The following SMYD3 variants were observed in gnomAD, a reference collection of about 807,000 sequenced individuals.
SMYD3 encodes histone-lysine N-methyltransferase SMYD3.
Under a neutral mutation model 57.7 loss-of-function variants are expected in SMYD3, and 36 were observed. The observed-to-expected ratio is 0.62, with a 90% CI of 0.48 to 0.82. The LOEUF is 0.82. Among genes scored for constraint, SMYD3 ranks in the 40% least tolerant of loss-of-function variants. SMYD3 has a pLI of 0.00. For missense variants in SMYD3, 515 were observed against 538.8 expected, an observed-to-expected ratio of 0.96 and a Z score of 0.44; for synonymous variants, 211 against 195.0, an observed-to-expected ratio of 1.08 and a Z score of -0.68.
chr1:246,138,512 G>A (rs1302053925), intron 5 of SMYD3, among the ~76,000 whole-genome samples: 2 of 109,516 alleles, frequency 1.8e-5, no homozygotes, highest in African/African-American at 2.6e-5. Flanking sequence ...TGCAAGCTCC[G>A]CCTCCCAGGT....
At chr1:246,106,140 T>TCGG (rs1428341198) in intron 5 of SMYD3, among the ~76,000 whole-genome samples, 1 of 152,186 alleles carries the variant, frequency 6.6e-6, no homozygotes, top group Non-Finnish European at 1.5e-5. Context: ...GGAACCATGT[T>TCGG]AACCCATATC....
intron 8 of SMYD3, among the ~76,000 whole-genome samples, 169 bp downstream of exon 8, chr1:245,915,361 A>C (rs2055329390): frequency 6.6e-6 from 1 of 152,214 alleles, no homozygotes; most frequent in Non-Finnish European, 1.5e-5. Flanking sequence ...TGGGTGACAA[A>C]AGTTCCAGGA....
At chr1:246,278,191 T>C (rs1411001868) in intron 5 of SMYD3, among the ~76,000 whole-genome samples, 1 of 151,540 alleles carries the variant, frequency 6.6e-6, no homozygotes, top group African/African-American at 2.4e-5. Context: ...ACAAATCTCC[T>C]GGGTTACTCT....
chr1:245,850,122 A>G (rs2050887876), intron 10 of SMYD3, among the ~76,000 whole-genome samples: 1 of 152,182 alleles, frequency 6.6e-6, no homozygotes, highest in East Asian at 1.9e-4. Flanking sequence ...AGGGGCAGAA[A>G]TGAGAAATGC....
At chr1:246,490,346 G>A (rs954477993) in intron 1 of SMYD3, among the ~76,000 whole-genome samples, 2 of 152,130 alleles carry the variant, frequency 1.3e-5, no homozygotes, top group Non-Finnish European at 2.9e-5. Context: ...CTCAGAAAAT[G>A]TCTCAGATGT....
chr1:246,442,418 G>A (rs184196141), intron 1 of SMYD3, among the ~76,000 whole-genome samples: 27 of 152,048 alleles, frequency 1.8e-4, no homozygotes, highest in Non-Finnish European at 3.4e-4. Context: ...GCGTGGTGAC[G>A]CACACCTGTA....
At chr1:246,191,802 T>A (rs1270376358) in intron 5 of SMYD3, among the ~76,000 whole-genome samples, 1 of 152,206 alleles carries the variant, frequency 6.6e-6, no homozygotes, top group African/African-American at 2.4e-5. Context: ...GAATCAAATA[T>A]GATAACACAG....
intron 10 of SMYD3, among the ~76,000 whole-genome samples, chr1:245,805,471 A>C (rs1183960178): frequency 6.6e-6 from 1 of 152,242 alleles, no homozygotes; most frequent in Non-Finnish European, 1.5e-5. Flanking sequence ...CTATTTTCTG[A>C]GCTGGTTAAA....
At chr1:245,981,387 A>G (rs2058593789) in intron 5 of SMYD3, among the ~76,000 whole-genome samples, 1 of 152,226 alleles carries the variant, frequency 6.6e-6, no homozygotes, top group African/African-American at 2.4e-5. Flanking sequence ...GACAACCAGG[A>G]CATCTTCATT....
intron 5 of SMYD3, among the ~76,000 whole-genome samples, chr1:246,274,856 G>A (rs2064299011): frequency 6.6e-6 from 1 of 152,002 alleles, no homozygotes; most frequent in Admixed American, 6.6e-5. Flanking sequence ...CAAAAACATA[G>A]GCAACACTCT....
intron 11 of SMYD3, among the ~76,000 whole-genome samples, chr1:245,750,182 C>T (rs1305746510): frequency 1.3e-5 from 2 of 152,120 alleles, no homozygotes; most frequent in Admixed American, 6.6e-5. Context: ...CTTGTCAACT[C>T]TTATCTTCAA....
intron 1 of SMYD3, among the ~76,000 whole-genome samples, chr1:246,462,539 G>C (rs10802408): frequency 0.99 from 151,197 of 152,202 alleles, 75,116 homozygotes; most frequent in Middle Eastern, 1. Context: ...AAAACTGCAT[G>C]TCAGATCACC....
chr1:246,047,417 C>T lies in SMYD3; in HGVS notation c.532-117480G>A, dbSNP rs536049613. ...CTTTTCAATTGAGTGGGGAAAAGAA[C>T]CATTTGTATAATAAAAAGGCATTAG... On this transcript the variant is annotated intron_variant, in intron 5 of 11. Transcript: ENST00000490107. 2.0e-5 allele frequency among the ~76,000 whole-genome samples: 3 copies of T among 152,284 alleles called. No individual in the cohort carries two copies. The South Asian group carries it at 6.2e-4, about 32-fold the overall frequency.
At chr1:245,818,201 A>C (rs375301815) in intron 10 of SMYD3, among the ~76,000 whole-genome samples, 2 of 152,198 alleles carry the variant, frequency 1.3e-5, no homozygotes, top group Admixed American at 1.3e-4. Flanking sequence ...CGGATCTCTC[A>C]GCAGAAACCC....
chr1:246,401,625 C>T (rs557920364), intron 1 of SMYD3, among the ~76,000 whole-genome samples: 151 of 151,866 alleles, frequency 9.9e-4, no homozygotes, highest in Admixed American at 1.6e-3. Context: ...AGCCACCATG[C>T]CCAGCCTTAA....
intron 5 of SMYD3, among the ~76,000 whole-genome samples, chr1:246,249,023 G>A (rs116148171): frequency 0.014 from 2,095 of 151,804 alleles, 43 homozygotes; most frequent in African/African-American, 0.047. Context: ...AGAACAAGAT[G>A]CGAAAACTAC....
At chr1:246,234,079 A>G (rs528728175) in intron 5 of SMYD3, among the ~76,000 whole-genome samples, 6,768 of 129,026 alleles carry the variant, frequency 0.052, 397 homozygotes, top group African/African-American at 0.11. Flanking sequence ...CACTCCTTCA[A>G]TTCACACTGT....
In SMYD3 at chr1:246,476,202, ACTC is replaced by A. The variant is rs558363618; in HGVS notation, c.164+30849_164+30851del. Reference sequence around the variant, plus strand: ...AATTCTAATGGAGTACTTCCTACGAACTCCTCTAAACATTGCAAACGTACCATC... The same window carrying A: ...AATTCTAATGGAGTACTTCCTACGAACTCTAAACATTGCAAACGTACCATC... On this transcript the variant is annotated intron_variant, in intron 1 of 11. Coordinates refer to ENST00000490107, the MANE Select transcript of SMYD3 (RefSeq NM_001167740.2). 6.3e-3 allele frequency among the ~76,000 whole-genome samples: 955 copies of A among 152,238 alleles called. 5 individuals carry two copies. Among genetic ancestry groups the A allele is most frequent in the Non-Finnish European group, 0.011 (716 of 68,004 alleles).
At chr1:246,460,804 A>G (rs1399709457) in intron 1 of SMYD3, among the ~76,000 whole-genome samples, 1 of 152,264 alleles carries the variant, frequency 6.6e-6, no homozygotes, top group Admixed American at 6.5e-5. Context: ...TTAGCTAAAC[A>G]AATCCTTTTC....
Sources: gnomAD v4.1 joint callset for allele counts (sites outside exome capture counted in the v4.1 genomes callset) on GRCh38, gnomAD v4.1.1 for gene constraint, MANE v1.5 for transcripts, NCBI Gene and HGNC (gene_info 2026-07-23, HGNC 2026-07-21) for gene names.